The following SEMA3D variants were observed in gnomAD, a reference collection of about 807,000 sequenced individuals.
SEMA3D encodes semaphorin 3D.
Under a neutral mutation model 100.1 loss-of-function variants are expected in SEMA3D, and 84 were observed. The ratio of observed to expected loss-of-function variants is 0.84; its 90% confidence interval spans 0.70 to 1.01. The LOEUF (loss-of-function observed/expected upper bound fraction) is 1.01. Among genes scored for constraint, SEMA3D ranks in the 50% least tolerant of loss-of-function variants. The pLI, the probability that SEMA3D is intolerant of heterozygous loss-of-function variation, is 0.00. For synonymous variants in SEMA3D, 312 were observed against 320.7 expected (o/e 0.97, Z 0.29); for missense variants, 875 against 934.1 (o/e 0.94, Z 0.82).
chr7:85,177,627 A>G (rs1791275517), intron 1 of SEMA3D, among the ~76,000 whole-genome samples: 1 of 152,176 alleles, frequency 6.6e-6, no homozygotes, highest in Non-Finnish European at 1.5e-5. Context: ...TGACTAATAA[A>G]TAGCATTTTT....
At chr7:85,215,217 C>G in the SEMA3D span, among the ~76,000 whole-genome samples, 1 of 150,840 alleles carries the variant, frequency 6.6e-6, no homozygotes, top group Non-Finnish European at 1.5e-5. Context: ...CACTCATTAA[C>G]TAGGGCTTTA....
In SEMA3D at chr7:85,040,142, A is replaced by AT. The variant is rs199757282; in HGVS notation, c.1046+530dup. Among the ~76,000 whole-genome samples, 976 of 150,162 alleles carry AT rather than the reference A, an allele frequency of 6.5e-3. 10 individuals carry two copies. Among genetic ancestry groups the AT allele is most frequent in the African/African-American group, 0.018 (752 of 40,754 alleles). On this transcript the variant is annotated intron_variant, in intron 11 of 18. Coordinates refer to ENST00000284136, the MANE Select transcript of SEMA3D (RefSeq NM_001384900.1). ...CAGGCATGTGCCTCCATGCCCAGCT[A>AT]TTTTTTTATTTACTTTTTGTAGAGA...
At chr7:85,177,972 G>C (rs1184465219) in intron 1 of SEMA3D, among the ~76,000 whole-genome samples, 1 of 152,146 alleles carries the variant, frequency 6.6e-6, no homozygotes, top group Admixed American at 6.5e-5. Context: ...GTTCCCCCAT[G>C]CTGTTCTCGT....
chr7:85,091,967 T>C (rs1221193169), intron 4 of SEMA3D, among the ~76,000 whole-genome samples: 1 of 152,074 alleles, frequency 6.6e-6, no homozygotes, highest in Non-Finnish European at 1.5e-5. Flanking sequence ...CAATCACTTC[T>C]GGCCTTTTGG....
chr7:85,250,125 G>A, the SEMA3D span, among the ~76,000 whole-genome samples: 3 of 152,154 alleles, frequency 2.0e-5, no homozygotes, highest in East Asian at 1.9e-4. Context: ...CTGGAGAATC[G>A]GGTCACTCCC....
Position 84,999,395 on chromosome 7 carries a change from T to G in SEMA3D, c.*45A>C. On this transcript the variant is annotated 3_prime_UTR_variant, in exon 19 of 19. Coordinates refer to ENST00000284136, the MANE Select transcript of SEMA3D (RefSeq NM_001384900.1). Reference sequence around the variant, plus strand: ...AAGGGATATACAAAACAGAAGGCAATGTTTTTATAGGTAAGGAATTCTTTT... The same window carrying G: ...AAGGGATATACAAAACAGAAGGCAAGGTTTTTATAGGTAAGGAATTCTTTT... 1 of 1,505,870 alleles carries G rather than the reference T, an allele frequency of 6.6e-7. No individual in the cohort carries two copies. Among genetic ancestry groups the G allele is most frequent in the African/African-American group, 1.4e-5 (1 of 72,108 alleles). 93.3% of individuals were successfully genotyped at this position (1,505,870 alleles called of 1,614,324 possible).
chr7:85,171,433 C>G (rs979957876), intron 1 of SEMA3D, among the ~76,000 whole-genome samples: 3 of 151,854 alleles, frequency 2.0e-5, no homozygotes, highest in African/African-American at 7.3e-5. Flanking sequence ...AGGGGAAACC[C>G]GGGAATTATG....
At chr7:85,147,869 C>A (rs956421556) in intron 2 of SEMA3D, among the ~76,000 whole-genome samples, 4 of 152,092 alleles carry the variant, frequency 2.6e-5, no homozygotes, top group African/African-American at 9.7e-5. Context: ...TTGACCAACT[C>A]CCTGCCTCAT....
chr7:85,112,915 T>C (rs1789132074), intron 3 of SEMA3D, among the ~76,000 whole-genome samples: 1 of 152,190 alleles, frequency 6.6e-6, no homozygotes, highest in South Asian at 2.1e-4. Flanking sequence ...AATGATTCCT[T>C]ATTACATATT....
intron 17 of SEMA3D, among the ~76,000 whole-genome samples, chr7:85,009,344 T>G (rs1789889072): frequency 6.6e-6 from 1 of 151,798 alleles, no homozygotes; most frequent in Admixed American, 6.6e-5. Flanking sequence ...CATGCAATTT[T>G]GTAGCTTTTA....
chr7:85,118,650 C>T (rs544914013), intron 3 of SEMA3D, among the ~76,000 whole-genome samples: 13 of 152,154 alleles, frequency 8.5e-5, no homozygotes, highest in African/African-American at 3.1e-4. Flanking sequence ...TTAAGTTCCT[C>T]ATAGATGCTT....
intron 1 of SEMA3D, chr7:85,181,949 A>C (rs1440335889): frequency 6.3e-6 from 1 of 159,808 alleles, no homozygotes; most frequent in East Asian, 1.9e-4. Flanking sequence ...TTTTAACATG[A>C]CTTACCTATG....
Position 85,121,735 on chromosome 7 carries a change from AT to A in SEMA3D, c.151+5del. On this transcript the variant is annotated splice_donor_5th_base_variant and intron_variant, in intron 3 of 18. Transcript: ENST00000284136. ...TAAACAATTTAGAAAATATGTATAT[AT>A]TTACCTTTGTAGGTTAGCTTGAGTC... The A allele has an allele frequency of 6.7e-7, 1 of 1,493,912 alleles. No individual in the cohort carries two copies. Among genetic ancestry groups the A allele is most frequent in the Non-Finnish European group, 9.2e-7 (1 of 1,091,790 alleles). The allele number at this position is 1,493,912 out of a possible 1,614,324, so 92.5% of individuals were successfully genotyped here. A position where few individuals can be genotyped will look rare whatever the true frequency, so the allele number is the denominator to read the frequency against.
At chr7:85,236,246 G>A in the SEMA3D span, among the ~76,000 whole-genome samples, 1 of 150,882 alleles carries the variant, frequency 6.6e-6, no homozygotes, top group Non-Finnish European at 1.5e-5. Flanking sequence ...ACTTGCATTT[G>A]TTGGCTAGAT....
the SEMA3D span, among the ~76,000 whole-genome samples, chr7:85,235,478 T>C: frequency 6.6e-6 from 1 of 152,168 alleles, no homozygotes; most frequent in Non-Finnish European, 1.5e-5. Context: ...AACTAAGTCT[T>C]ATCAACTGAA....
In SEMA3D at chr7:85,054,211, A is replaced by T. The variant is rs1791246366; in HGVS notation, c.861+1506T>A. Among the ~76,000 whole-genome samples the T allele has an allele frequency of 2.0e-5, 3 of 152,040 alleles. 1 individual carries two copies. The highest frequency in any genetic ancestry group is 1.5e-5 in the Non-Finnish European group (1 of 67,954). On this transcript the variant is annotated intron_variant, in intron 9 of 18. Coordinates refer to ENST00000284136, the MANE Select transcript of SEMA3D (RefSeq NM_001384900.1). ...TATATTTATCAAGAAATAAGCATTG[A>T]ACTGGTGCACAAAATATATATTTAC...
chr7:85,010,975 G>A (rs1789935356), intron 17 of SEMA3D, among the ~76,000 whole-genome samples: 1 of 151,776 alleles, frequency 6.6e-6, no homozygotes, highest in African/African-American at 2.4e-5. Context: ...CAGTCTGAAA[G>A]GTAAGAGGTT....
chr7:85,072,852 G>T, intron 6 of SEMA3D, 110 bp downstream of exon 6: 1 of 851,022 alleles, frequency 1.2e-6, no homozygotes, highest in Non-Finnish European at 1.8e-6. Flanking sequence ...TCCATGCCTG[G>T]CCATATATGT....
intron 2 of SEMA3D, among the ~76,000 whole-genome samples, chr7:85,149,995 C>G (rs1156354797): frequency 1.3e-5 from 2 of 151,994 alleles, no homozygotes; most frequent in African/African-American, 4.8e-5. Flanking sequence ...CTTAGTAAAG[C>G]AAGTATCCCC....
Sources: allele counts gnomAD v4.1 joint callset (sites outside exome capture counted in the v4.1 genomes callset), GRCh38; gene constraint gnomAD v4.1.1; transcripts MANE v1.5; gene names NCBI Gene and HGNC (gene_info 2026-07-23, HGNC 2026-07-21).